SLF1: variants seen among roughly 807,000 people sequenced by gnomAD.
SLF1 encodes SMC5-SMC6 complex localization factor protein 1.
In SLF1, 105 loss-of-function variants were observed where a neutral mutation model predicts 123.0. The observed-to-expected ratio is 0.85, with a 90% confidence interval of 0.73 to 1.00. The LOEUF (loss-of-function observed/expected upper bound fraction) is 1.00. Among genes scored for constraint, SLF1 ranks in the 50% least tolerant of loss-of-function variants. The pLI is 0.00. For synonymous variants in SLF1, 434 were observed against 406.6 expected (o/e 1.07, Z -0.81); for missense variants, 1,239 against 1,223.0 (o/e 1.01, Z -0.20).
chr5:94,688,793 A>T, intron 17 of SLF1, 124 bp downstream of exon 17: 1 of 1,015,746 alleles, frequency 9.8e-7, no homozygotes, highest in Non-Finnish European at 1.4e-6. Flanking sequence ...TCAAAACTCA[A>T]TTTTAGATCT....
chr5:94,658,597 T>C (rs1242427736), intron 9 of SLF1, among the ~76,000 whole-genome samples: 2 of 152,302 alleles, frequency 1.3e-5, no homozygotes, highest in South Asian at 2.1e-4. Flanking sequence ...TTAGAATTCT[T>C]TCTTTGTCTT....
chr5:94,658,191 T>C (rs1419204698), intron 9 of SLF1, among the ~76,000 whole-genome samples: 3 of 151,608 alleles, frequency 2.0e-5, no homozygotes, highest in Non-Finnish European at 4.4e-5. Context: ...TGGTGACATT[T>C]GGCTCTTTTC....
chr5:94,632,637 T>A (rs916607545), intron 4 of SLF1, among the ~76,000 whole-genome samples: 10 of 152,196 alleles, frequency 6.6e-5, no homozygotes, highest in Non-Finnish European at 1.3e-4. Context: ...TTTATCTGCA[T>A]CTTTTGAGAT....
Position 94,697,125 on chromosome 5 carries a change from T to A in SLF1, c.*1813T>A, listed in dbSNP as rs1312110165. On this transcript the variant is annotated 3_prime_UTR_variant, in exon 21 of 21. Coordinates refer to ENST00000265140, the MANE Select transcript of SLF1 (RefSeq NM_032290.4). ...ATATTTCATAATTGACTGCTCTGTC[T>A]GCCAACTTCTACAAGCAGTGATGAC... 6.6e-6 allele frequency: 1 copy of A among 151,870 alleles called. No individual in the cohort carries two copies. The highest frequency in any genetic ancestry group is 2.4e-5 in the African/African-American group (1 of 41,410). 9.4% of individuals were successfully genotyped at this position (151,870 alleles called of 1,614,324 possible).
chr5:94,651,846 G>T lies in SLF1; in HGVS notation c.882+1G>T, dbSNP rs1405496812. 9 of 1,356,944 alleles carry T rather than the reference G, an allele frequency of 6.6e-6. No homozygotes were observed. Among genetic ancestry groups the T allele is most frequent in the Non-Finnish European group, 8.8e-6 (9 of 1,023,896 alleles). 84.1% of individuals were successfully genotyped at this position (1,356,944 alleles called of 1,614,324 possible). The stretch of plus-strand genomic sequence containing the variant: ...TGGAAGCCATACATATGAAAATCAG[G>T]TACAACTTTCCAAATTAAAAATAAT... On this transcript the variant is annotated splice_donor_variant, in intron 7 of 20. Coordinates refer to ENST00000265140, the MANE Select transcript of SLF1 (RefSeq NM_032290.4). LOFTEE classifies it high-confidence loss of function.
chr5:94,672,132 T>C (rs1039124136), intron 14 of SLF1, among the ~76,000 whole-genome samples: 3 of 152,120 alleles, frequency 2.0e-5, no homozygotes, highest in African/African-American at 7.2e-5. Flanking sequence ...ATTTTTAAGT[T>C]TCTGCTTCAT....
Position 94,692,126 on chromosome 5 carries a change from G to A in SLF1, c.2565G>A (p.Val855=). ...AAGCCTGTAACTATGGCAACACAGT[G>A]TGTGTCCAGGAAATTTTGCAACGTT... is the stretch of plus-strand genomic sequence containing the variant. The part of the protein sequence containing the change: ...LHEACNYGNT[V]CVQEILQRCP... Residue 855 remains valine (V), a synonymous_variant, in exon 20 of 21, where the codon GTG becomes GTA. Transcript: ENST00000265140. The A allele has an allele frequency of 1.2e-6, 2 of 1,613,866 alleles. No homozygotes were observed. The highest frequency in any genetic ancestry group is 1.3e-5 in the African/African-American group (1 of 75,032).
chr5:94,646,098 T>A (rs1477478142), intron 5 of SLF1, among the ~76,000 whole-genome samples: 1 of 152,096 alleles, frequency 6.6e-6, no homozygotes, highest in Non-Finnish European at 1.5e-5. Flanking sequence ...AAAAAATTTT[T>A]AAAATTTGCT....
intron 4 of SLF1, among the ~76,000 whole-genome samples, chr5:94,642,840 A>G (rs985771026): frequency 1.3e-5 from 2 of 152,092 alleles, no homozygotes; most frequent in Non-Finnish European, 2.9e-5. Flanking sequence ...AAGTAGTTCA[A>G]GGCTAAAATT....
intron 15 of SLF1, 136 bp from the exon 16 acceptor site, chr5:94,686,437 A>T: frequency 1.1e-6 from 1 of 949,204 alleles, no homozygotes; most frequent in South Asian, 1.8e-5. Flanking sequence ...TTTTTTGTGG[A>T]TTAAAATCAT....
In SLF1 at chr5:94,670,876, A is replaced by C. The variant is rs1344131749; in HGVS notation, c.1695A>C (p.Lys565Asn). The C allele has an allele frequency of 6.5e-6, 10 of 1,549,900 alleles. No homozygotes were observed. The highest frequency in any genetic ancestry group is 8.7e-6 in the Non-Finnish European group (10 of 1,145,874). The stretch of plus-strand genomic sequence containing the variant: ...ACTGGTCAGATTCTCAGAATCTGAA[A>C]ATAACAGGAAAGGCAATGCTTCTTG... ...LYDWSDSQNL[K>N]ITGKAMLLEI... Residue 565 changes from lysine to asparagine, a missense_variant, in exon 14 of 21, where the codon AAA (lysine) becomes AAC (asparagine). Coordinates refer to ENST00000265140, the MANE Select transcript of SLF1 (RefSeq NM_032290.4).
chr5:94,678,077 C>G (rs887423730), intron 14 of SLF1, among the ~76,000 whole-genome samples: 5 of 152,028 alleles, frequency 3.3e-5, no homozygotes, highest in African/African-American at 1.2e-4. Flanking sequence ...CCCGCCACCA[C>G]GCCCGGCTAA....
intron 9 of SLF1, among the ~76,000 whole-genome samples, chr5:94,656,077 A>G (rs146916720): frequency 2.0e-3 from 308 of 152,118 alleles, no homozygotes; most frequent in African/African-American, 7.0e-3. Flanking sequence ...TAAGGTAGCT[A>G]TAGGTTTGTC....
intron 15 of SLF1, among the ~76,000 whole-genome samples, chr5:94,684,681 G>A (rs1221911910): frequency 8.5e-6 from 1 of 117,864 alleles, no homozygotes; most frequent in Non-Finnish European, 1.6e-5. Flanking sequence ...CTGGGCAATA[G>A]AGCGAGACTC....
intron 9 of SLF1, among the ~76,000 whole-genome samples, chr5:94,660,904 T>A (rs575187425): frequency 6.6e-6 from 1 of 152,168 alleles, no homozygotes; most frequent in South Asian, 2.1e-4. Flanking sequence ...CTCCACCTCC[T>A]ACTCCTTAGG....
rs1329196022 is a variant in SLF1 at position 94,654,681 on chromosome 5, ATGGC to A, written c.1086_1089del (p.Met362IlefsTer11). ...TGAATATGCCAAAGAATCAAAAGCC[ATGGC>A]TATTAAGACAGATGTGGATGTTGTT... is the stretch of plus-strand genomic sequence containing the variant. On this transcript the variant is annotated frameshift_variant, in exon 9 of 21. Coordinates refer to ENST00000265140, the MANE Select transcript of SLF1 (RefSeq NM_032290.4). LOFTEE classifies it high-confidence loss of function. The A allele has an allele frequency of 6.5e-7, 1 of 1,545,834 alleles. No individual in the cohort carries two copies.
chr5:94,673,004 A>G (rs774735106), intron 14 of SLF1, among the ~76,000 whole-genome samples: 7 of 152,308 alleles, frequency 4.6e-5, no homozygotes, highest in African/African-American at 1.4e-4. Context: ...TTCTAATCCA[A>G]TGTCTATGTT....
In SLF1 at chr5:94,663,763, A is replaced by T. The variant is rs563926235; in HGVS notation, c.1223A>T (p.Glu408Val). 1.0e-5 allele frequency: 16 copies of T among 1,529,584 alleles called. No individual in the cohort carries two copies. The Admixed American group carries it at 2.8e-4, about 27-fold the overall frequency. 94.8% of individuals were successfully genotyped at this position (1,529,584 alleles called of 1,614,324 possible). The part of the protein sequence containing the change: ...PVYNVEVKNA[E>V]FPRGVLNLIE... ...TTCCTTTCTTAGGTTAAAAATGCTG[A>T]ATTTCCCAGAGGTGTATTAAATTTA... Residue 408 changes from glutamate (E) to valine (V), a missense_variant, in exon 11 of 21, where the codon GAA becomes GTA. By Grantham distance (121) the Glu-to-Val change is moderately radical. Coordinates refer to ENST00000265140, the MANE Select transcript of SLF1 (RefSeq NM_032290.4).
At chr5:94,641,190 AC>A (rs539170765) in intron 4 of SLF1, among the ~76,000 whole-genome samples, 363 of 42,156 alleles carry the variant, frequency 8.6e-3, no homozygotes, top group African/African-American at 0.031. Flanking sequence ...CGCCCGCCCC[AC>A]CCCCCCACAA....
Sources: gnomAD v4.1 joint callset for allele counts (sites outside exome capture counted in the v4.1 genomes callset) on GRCh38, gnomAD v4.1.1 for gene constraint, MANE v1.5 for transcripts, NCBI Gene and HGNC (gene_info 2026-07-23, HGNC 2026-07-21) for gene names.